Variants in GRK5 observed in about 807,000 individuals in gnomAD.
GRK5 encodes the protein g protein-coupled receptor kinase GRK5.
GRK5 carries 40 observed loss-of-function variants against 78.4 expected under a neutral mutation model. The observed-to-expected ratio is 0.51, with a 90% CI of 0.40 to 0.66. The LOEUF is 0.66. Ranked by LOEUF, GRK5 falls within the 30% of genes least tolerant of loss-of-function variation. The pLI is 0.00. For synonymous variants in GRK5, 289 were observed against 296.8 expected, an observed-to-expected ratio of 0.97 and a Z score of 0.27; for missense variants, 598 against 759.9, an observed-to-expected ratio of 0.79 and a Z score of 2.50.
At position 119,408,341 on chromosome 10, in the gene GRK5, CAAAAAA is replaced by C. The variant is rs67973033; in HGVS notation, c.339+11586_339+11591del. On this transcript the variant is annotated intron_variant, in intron 4 of 15. Transcript: ENST00000392870. ...TGGGTGACAGAGCAAAACCCTGTCT[CAAAAAA>C]AAAAAAAAAAAAAAAAGGCAGAAAA... Among the ~76,000 whole-genome samples the C allele has an allele frequency of 1.8e-4, 9 of 48,704 alleles. No homozygotes were observed. The South Asian group carries it at 6.2e-3, about 34-fold the overall frequency. The allele number at this position is 48,704 out of a possible 152,430, so 32.0% of individuals were successfully genotyped here. A position where few individuals can be genotyped will look rare whatever the true frequency, so the allele number is the denominator to read the frequency against.
At chr10:119,256,553 G>A (rs1849289284) in intron 1 of GRK5, among the ~76,000 whole-genome samples, 1 of 152,128 alleles carries the variant, frequency 6.6e-6, no homozygotes, top group Non-Finnish European at 1.5e-5. Flanking sequence ...GGTACATGGA[G>A]TGGGAAGGGG....
At position 119,394,359 on chromosome 10, in the gene GRK5, TGG is replaced by T. The variant is rs1453228148; in HGVS notation, c.262-2334_262-2333del. Among the ~76,000 whole-genome samples, 167 of 103,162 alleles carry T rather than the reference TGG, an allele frequency of 1.6e-3. 25 individuals carry two copies. Among genetic ancestry groups the T allele is most frequent in the Middle Eastern group, 5.1e-3 (1 of 196 alleles). 67.7% of individuals were successfully genotyped at this position (103,162 alleles called of 152,430 possible). Reference sequence around the variant, plus strand: ...GTCTGTGTGTGGGCATGTGGGTGTGTGGGTGTGTGTGGGTGTCGGTGTGTGTA... The same window carrying T: ...GTCTGTGTGTGGGCATGTGGGTGTGTGTGTGTGTGGGTGTCGGTGTGTGTA... On this transcript the variant is annotated intron_variant, in intron 3 of 15. Coordinates refer to ENST00000392870, the MANE Select transcript of GRK5 (RefSeq NM_005308.3).
intron 2 of GRK5, among the ~76,000 whole-genome samples, chr10:119,330,917 A>G (rs1850765434): frequency 6.6e-6 from 1 of 152,180 alleles, no homozygotes; most frequent in Non-Finnish European, 1.5e-5. Flanking sequence ...GCTACTCAGG[A>G]GGCTGAGGCA....
chr10:119,381,452 G>GGC (rs1851708917), intron 3 of GRK5, among the ~76,000 whole-genome samples: 1 of 152,266 alleles, frequency 6.6e-6, no homozygotes, highest in Admixed American at 6.5e-5. Context: ...TGAAGCACAT[G>GGC]GCTGTCAAGC....
Position 119,236,428 on chromosome 10 carries a change from A to G in GRK5, c.52+28459A>G, listed in dbSNP as rs1240535096. Among the ~76,000 whole-genome samples the G allele has an allele frequency of 2.6e-5, 4 of 152,024 alleles. No individual in the cohort carries two copies. The Middle Eastern group carries it at 0.01, about 388-fold the overall frequency. Reference sequence around the variant, plus strand: ...ATGGGGTTTCACTGTGTTAGCCAGGATGGTCTCGATCTCCCGATCTCGTGA... The same window carrying G: ...ATGGGGTTTCACTGTGTTAGCCAGGGTGGTCTCGATCTCCCGATCTCGTGA... On this transcript the variant is annotated intron_variant, in intron 1 of 15. Transcript: ENST00000392870.
chr10:119,250,536 A>G (rs1251195307), intron 1 of GRK5, among the ~76,000 whole-genome samples: 1 of 54,572 alleles, frequency 1.8e-5, no homozygotes, highest in East Asian at 5.4e-4. Context: ...TTTTTTTTGT[A>G]CAGTCAAGGT....
At chr10:119,394,247 T>G (rs1344120964) in intron 3 of GRK5, among the ~76,000 whole-genome samples, 1 of 1,016 alleles carries the variant, frequency 9.8e-4, no homozygotes, top group African/African-American at 4.5e-3. Context: ...TGGGTGTCTG[T>G]GTGTGGATGT....
At position 119,341,521 on chromosome 10, in the gene GRK5, T is replaced by C. The variant is rs1850980641; in HGVS notation, c.148+14910T>C. 4.6e-5 allele frequency among the ~76,000 whole-genome samples: 7 copies of C among 152,298 alleles called. No individual in the cohort carries two copies. The South Asian group carries it at 1.5e-3, about 32-fold the overall frequency. The stretch of plus-strand genomic sequence containing the variant: ...AACTCAACCTTAGTCCCCTGCTTCA[T>C]AGGTCACCTCCTCCAGGAAGCCCTC... On this transcript the variant is annotated intron_variant, in intron 2 of 15. Coordinates refer to ENST00000392870, the MANE Select transcript of GRK5 (RefSeq NM_005308.3).
intron 2 of GRK5, among the ~76,000 whole-genome samples, chr10:119,358,031 T>C (rs1851294051): frequency 6.6e-6 from 1 of 152,174 alleles, no homozygotes; most frequent in African/African-American, 2.4e-5. Flanking sequence ...ATGGAAAGTA[T>C]GTGAGCCTTG....
intron 1 of GRK5, among the ~76,000 whole-genome samples, chr10:119,295,168 C>T (rs532788645): frequency 3.6e-4 from 45 of 126,120 alleles, no homozygotes; most frequent in Non-Finnish European, 5.9e-4. Flanking sequence ...CCAGCCTGGG[C>T]GACAGAGCGA....
At chr10:119,287,642 G>C (rs773898597) in intron 1 of GRK5, among the ~76,000 whole-genome samples, 3 of 151,960 alleles carry the variant, frequency 2.0e-5, no homozygotes, top group Non-Finnish European at 4.4e-5. Context: ...CTGGGGCTTA[G>C]CTCAACTGAT....
chr10:119,216,964 A>G (rs1413659806), intron 1 of GRK5, among the ~76,000 whole-genome samples: 1 of 152,132 alleles, frequency 6.6e-6, no homozygotes, highest in Non-Finnish European at 1.5e-5. Flanking sequence ...ACATAAAAAT[A>G]AAAAAAGGGA....
chr10:119,252,938 C>T (rs1002959499), intron 1 of GRK5, among the ~76,000 whole-genome samples: 2 of 152,126 alleles, frequency 1.3e-5, no homozygotes, highest in Non-Finnish European at 2.9e-5. Context: ...GCCAATAAAC[C>T]AAGTGTTCCA....
At chr10:119,291,443 C>T (rs143684425) in intron 1 of GRK5, among the ~76,000 whole-genome samples, 405 of 152,206 alleles carry the variant, frequency 2.7e-3, no homozygotes, top group Non-Finnish European at 3.7e-3. Context: ...GGTGTGACCA[C>T]GGCTGCCTCG....
intron 1 of GRK5, among the ~76,000 whole-genome samples, chr10:119,273,799 A>AGTCTC (rs1160890198): frequency 6.6e-6 from 1 of 151,662 alleles, no homozygotes; most frequent in Admixed American, 6.6e-5. Context: ...TTTTTGATGG[A>AGTCTC]GTCTCGCTCT....
intron 6 of GRK5, among the ~76,000 whole-genome samples, chr10:119,429,466 G>T (rs1246779857): frequency 6.6e-6 from 1 of 151,166 alleles, no homozygotes; most frequent in Non-Finnish European, 1.5e-5. Context: ...GTTTTAAGCT[G>T]ATTATTTGTA....
At chr10:119,345,144 A>T (rs193156536) in intron 2 of GRK5, among the ~76,000 whole-genome samples, 1,906 of 151,836 alleles carry the variant, frequency 0.013, 43 homozygotes, top group African/African-American at 0.042. Flanking sequence ...ACTTTTTTGT[A>T]TTTTTAGTAG....
intron 2 of GRK5, among the ~76,000 whole-genome samples, chr10:119,338,316 G>T (rs1030083330): frequency 6.6e-6 from 1 of 152,086 alleles, no homozygotes; most frequent in Non-Finnish European, 1.5e-5. Flanking sequence ...CAATCTCCCT[G>T]TTTGTTATTG....
Position 119,445,007 on chromosome 10 carries a change from G to A in GRK5, c.1266+1255G>A, listed in dbSNP as rs1267579720. ...CTCCTGCAGCCAGACACCTCTGCTT[G>A]GCCCCTTCCTGTCACCAACCTCATC... On this transcript the variant is annotated intron_variant, in intron 12 of 15. Transcript: ENST00000392870. This position sits in a 1 kb window ranked among gnomAD's most constrained non-coding sequence, Gnocchi z 4.1. 1.3e-5 allele frequency among the ~76,000 whole-genome samples: 2 copies of A among 152,148 alleles called. No individual in the cohort carries two copies. Among genetic ancestry groups the A allele is most frequent in the African/African-American group, 2.4e-5 (1 of 41,406 alleles).
Sources: gnomAD v4.1 joint callset for allele counts (sites outside exome capture counted in the v4.1 genomes callset) on GRCh38, gnomAD v4.1.1 for gene constraint, Gnocchi (gnomAD v3.1) non-coding constraint, MANE v1.5 for transcripts, NCBI Gene and HGNC (gene_info 2026-07-23, HGNC 2026-07-21) for gene names.